The following MMS22L variants were observed in gnomAD, a reference collection of about 807,000 sequenced individuals.
The protein encoded by MMS22L is MMS22 like, DNA repair protein, also known as protein MMS22-like.
MMS22L carries 74 observed loss-of-function variants against 159.1 expected under a neutral mutation model. The ratio of observed to expected loss-of-function variants is 0.47; its 90% CI spans 0.39 to 0.56. MMS22L has a LOEUF of 0.56. MMS22L is among the 20% of genes least tolerant of loss of function. The pLI is 0.00. For missense variants in MMS22L, 1,351 were observed against 1,422.1 expected, an observed-to-expected ratio of 0.95 and a Z score of 0.80; for synonymous variants, 517 against 506.9, an observed-to-expected ratio of 1.02 and a Z score of -0.27.
In MMS22L at chr6:97,234,125, AG is replaced by A. The variant is rs569998171; in HGVS notation, c.1183-146del. ...TCATACCCATTCTCATATGCAGACT[AG>A]GTCTAAATCAACACAACACATACTT... is the stretch of plus-strand genomic sequence containing the variant. On this transcript the variant is annotated intron_variant, in intron 11 of 24. Transcript: ENST00000683635. The A allele has an allele frequency of 3.5e-4, 279 of 806,668 alleles. 1 individual carries two copies. In the African/African-American group the frequency reaches 4.7e-3, roughly 14 times the overall value. The allele number at this position is 806,668 out of a possible 1,614,324, so 50.0% of individuals were successfully genotyped here.
intron 14 of MMS22L, among the ~76,000 whole-genome samples, chr6:97,227,525 C>G (rs1810393622): frequency 6.6e-6 from 1 of 152,048 alleles, no homozygotes. Context: ...TATTTAAAAA[C>G]TGAAGAAATA....
At chr6:97,265,352 T>C (rs982868135) in intron 8 of MMS22L, 1 of 151,926 alleles carries the variant, frequency 6.6e-6, no homozygotes, top group Non-Finnish European at 1.5e-5. Context: ...AAAAATCAAC[T>C]CAAAATAAAT....
At chr6:97,188,823 A>C (rs965452835) in intron 14 of MMS22L, among the ~76,000 whole-genome samples, 2 of 152,076 alleles carry the variant, frequency 1.3e-5, no homozygotes, top group Non-Finnish European at 2.9e-5. Context: ...TTAGCCGGGC[A>C]TGATGGTACA....
intron 19 of MMS22L, 57 bp from the exon 20 acceptor site, chr6:97,168,297 G>T: frequency 6.6e-7 from 1 of 1,522,452 alleles, no homozygotes; most frequent in South Asian, 1.2e-5. Context: ...AGAACATTTT[G>T]TCACTTAATT....
intron 10 of MMS22L, among the ~76,000 whole-genome samples, chr6:97,249,192 G>A (rs1234563781): frequency 1.3e-5 from 2 of 152,106 alleles, no homozygotes; most frequent in East Asian, 1.9e-4. Flanking sequence ...GTGGGCACCC[G>A]TTTTGCAACA....
rs1810549442 is a variant in MMS22L at position 97,228,955 on chromosome 6, A to G, written c.1978T>C (p.Cys660Arg). The G allele has an allele frequency of 9.3e-6, 15 of 1,614,168 alleles. No homozygotes were observed. Among genetic ancestry groups the G allele is most frequent in the Non-Finnish European group, 1.3e-5 (15 of 1,180,014 alleles). The stretch of plus-strand genomic sequence containing the variant: ...ACTGTCCTAAGTTCAGATTCTCGAC[A>G]TGCTCGCAGAAGCATACTAAATCCA... ...NDGFSMLLRA[C>R]RESELRTVLS... Residue 660 changes from cysteine to arginine, a missense_variant, in exon 14 of 25, where the codon TGT becomes CGT. Cys to Arg is a radical substitution (Grantham distance 180, BLOSUM62 -3). Coordinates refer to ENST00000683635, the MANE Select transcript of MMS22L (RefSeq NM_001350599.2).
Position 97,162,028 on chromosome 6 carries a change from C to A in MMS22L, c.3359G>T (p.Cys1120Phe), listed in dbSNP as rs759823949. The A allele has an allele frequency of 1.2e-6, 2 of 1,610,914 alleles. No homozygotes were observed. Among genetic ancestry groups the A allele is most frequent in the Non-Finnish European group, 1.7e-6 (2 of 1,178,684 alleles). Reference sequence around the variant, plus strand: ...TTGTGGTTCACTGACTAACACCAAGCATTTTAAAATGCCAGGGAGGAGTAG... The same window carrying A: ...TTGTGGTTCACTGACTAACACCAAGAATTTTAAAATGCCAGGGAGGAGTAG... ...VELLLPGILK[C>F]LVLVSEPQVK... is the part of the protein sequence containing the mutation. The change falls in exon 22 of 25, where the codon TGC becomes TTC. Residue 1120 changes from cysteine (C) to phenylalanine (F), a missense_variant. Cys to Phe is a radical substitution (Grantham distance 205). Coordinates refer to ENST00000683635, the MANE Select transcript of MMS22L (RefSeq NM_001350599.2).
At chr6:97,230,769 TG>T (rs1810773260) in intron 13 of MMS22L, 1 of 152,190 alleles carries the variant, frequency 6.6e-6, no homozygotes, top group Admixed American at 6.5e-5. Flanking sequence ...AAACAGTATA[TG>T]ACAAATGAAA....
At chr6:97,234,506 C>T (rs988678766) in intron 11 of MMS22L, among the ~76,000 whole-genome samples, 11 of 152,058 alleles carry the variant, frequency 7.2e-5, no homozygotes, top group Non-Finnish European at 1.6e-4. Flanking sequence ...TTTTCTATGA[C>T]GATATAACCA....
chr6:97,199,850 T>G (rs1261288707), intron 14 of MMS22L, among the ~76,000 whole-genome samples: 1 of 152,116 alleles, frequency 6.6e-6, no homozygotes, highest in African/African-American at 2.4e-5. Context: ...GTGCTAAACC[T>G]GCAGTACATA....
intron 15 of MMS22L, among the ~76,000 whole-genome samples, chr6:97,184,846 A>T (rs755709517): frequency 6.6e-6 from 1 of 152,146 alleles, no homozygotes; most frequent in African/African-American, 2.4e-5. Flanking sequence ...TCCTCTGCTC[A>T]AAACTTTTCA....
In MMS22L at chr6:97,214,316, T is replaced by C. The variant is rs547116153; in HGVS notation, c.2039+14578A>G. ...GTTTTCACAAATAAGAAATAGTTAA[T>C]CCACACCATGGAATATTATGGTATA... On this transcript the variant is annotated intron_variant, in intron 14 of 24. Coordinates refer to ENST00000683635, the MANE Select transcript of MMS22L (RefSeq NM_001350599.2). Among the ~76,000 whole-genome samples the C allele has an allele frequency of 5.6e-4, 85 of 152,254 alleles. 1 individual carries two copies. The highest frequency in any genetic ancestry group is 9.3e-4 in the Non-Finnish European group (63 of 68,032).
At chr6:97,149,212 G>A (rs763365390) in intron 24 of MMS22L, among the ~76,000 whole-genome samples, 1 of 152,062 alleles carries the variant, frequency 6.6e-6, no homozygotes, top group Non-Finnish European at 1.5e-5. Flanking sequence ...ACACATAACT[G>A]TATTTTGATT....
intron 10 of MMS22L, among the ~76,000 whole-genome samples, chr6:97,250,541 A>T (rs1157613988): frequency 6.6e-6 from 1 of 152,198 alleles, no homozygotes; most frequent in Non-Finnish European, 1.5e-5. Flanking sequence ...GAATCGTGAG[A>T]GAGTAACCCA....
chr6:97,143,724 T>C lies in MMS22L; in HGVS notation c.*3082A>G, dbSNP rs1051268916. 7.9e-5 allele frequency: 12 copies of C among 152,024 alleles called. No homozygotes were observed. The highest frequency in any genetic ancestry group is 2.4e-4 in the African/African-American group (10 of 41,392). 9.4% of individuals were successfully genotyped at this position (152,024 alleles called of 1,614,324 possible). ...TTCAAGGCTAAATAACTTAGGACAA[T>C]AGTGTATTCCCTGGGTAGAAAATGA... On this transcript the variant is annotated 3_prime_UTR_variant, in exon 25 of 25. Coordinates refer to ENST00000683635, the MANE Select transcript of MMS22L (RefSeq NM_001350599.2).
chr6:97,255,024 T>C (rs1813644733), intron 9 of MMS22L, among the ~76,000 whole-genome samples: 1 of 152,092 alleles, frequency 6.6e-6, no homozygotes, highest in Non-Finnish European at 1.5e-5. Flanking sequence ...CCAGCCTATA[T>C]TATATATTGT....
Position 97,250,205 on chromosome 6 carries a change from G to T in MMS22L, c.1120-3515C>A, listed in dbSNP as rs568935404. ...GCAGGTAGGATGTCATCAATTTGAGGCTACATTTTATATTTCTTATTTCAG... is the reference window on the plus strand; with the variant it reads ...GCAGGTAGGATGTCATCAATTTGAGTCTACATTTTATATTTCTTATTTCAG... On this transcript the variant is annotated intron_variant, in intron 10 of 24. Coordinates refer to ENST00000683635, the MANE Select transcript of MMS22L (RefSeq NM_001350599.2). Among the ~76,000 whole-genome samples the T allele has an allele frequency of 3.3e-5, 5 of 152,056 alleles. No individual in the cohort carries two copies. The East Asian group carries it at 7.7e-4, about 24-fold the overall frequency.
chr6:97,185,623 A>G (rs1271231308), intron 15 of MMS22L, among the ~76,000 whole-genome samples: 2 of 152,146 alleles, frequency 1.3e-5, no homozygotes, highest in African/African-American at 2.4e-5. Flanking sequence ...TTAATCTATC[A>G]TCGTAAAGTC....
intron 24 of MMS22L, among the ~76,000 whole-genome samples, chr6:97,149,577 G>A (rs1801118468): frequency 6.6e-6 from 1 of 152,130 alleles, no homozygotes. Flanking sequence ...TGCGTTTTGA[G>A]CAACAGCAGC....
Sources: gnomAD v4.1 joint callset for allele counts (sites outside exome capture counted in the v4.1 genomes callset) on GRCh38, gnomAD v4.1.1 for gene constraint, MANE v1.5 for transcripts, NCBI Gene and HGNC (gene_info 2026-07-23, HGNC 2026-07-21) for gene names.